Variants in EBF2 observed in about 807,000 individuals in gnomAD.
EBF2 encodes the protein EBF transcription factor 2.
Under a neutral mutation model 72.8 loss-of-function variants are expected in EBF2, and 21 were observed. The ratio of observed to expected loss-of-function variants is 0.29; its 90% CI spans 0.20 to 0.42. The LOEUF is 0.42. EBF2 is among the 10% of genes least tolerant of loss of function. The pLI is 1.00. For synonymous variants in EBF2, 299 were observed against 274.2 expected (o/e 1.09, Z -0.89); for missense variants, 637 against 731.2 (o/e 0.87, Z 1.49).
chr8:25,996,598 A>G (rs1331414929), intron 6 of EBF2, among the ~76,000 whole-genome samples: 1 of 152,120 alleles, frequency 6.6e-6, no homozygotes, highest in East Asian at 1.9e-4. Context: ...TTAAAAAAAT[A>G]AGAAAAGAAA....
At chr8:26,007,326 G>A (rs1253527533) in intron 6 of EBF2, among the ~76,000 whole-genome samples, 1 of 152,110 alleles carries the variant, frequency 6.6e-6, no homozygotes, top group East Asian at 1.9e-4. Flanking sequence ...ACCCCCTGTG[G>A]CCTCTGACAT....
chr8:25,911,395 T>A (rs1297278042), intron 6 of EBF2, among the ~76,000 whole-genome samples: 1 of 152,198 alleles, frequency 6.6e-6, no homozygotes, highest in African/African-American at 2.4e-5. Context: ...AATCACAGGT[T>A]TATCCTCATG....
intron 6 of EBF2, among the ~76,000 whole-genome samples, chr8:25,978,794 G>A (rs1378427513): frequency 6.6e-6 from 1 of 152,318 alleles, no homozygotes. Context: ...GCAACACAAA[G>A]GGGCCCTTCG....
chr8:25,883,545 C>A (rs1802637685), intron 10 of EBF2, among the ~76,000 whole-genome samples: 1 of 151,910 alleles, frequency 6.6e-6, no homozygotes, highest in Non-Finnish European at 1.5e-5. Context: ...ACACTTCTAC[C>A]TTCAGAAATC....
Position 25,907,512 on chromosome 8 carries a change from G to T in EBF2, c.633+962C>A, listed in dbSNP as rs558932408. On this transcript the variant is annotated intron_variant, in intron 7 of 15. Coordinates refer to ENST00000520164, the MANE Select transcript of EBF2 (RefSeq NM_022659.4). ...ATAAACCTAGCAGCTGCAACGTGTC[G>T]CATGCCCACAGTGTGCTGGAAAGAG... is the stretch of plus-strand genomic sequence containing the variant. Among the ~76,000 whole-genome samples, 68 of 148,588 alleles carry T rather than the reference G, an allele frequency of 4.6e-4. No individual in the cohort carries two copies. The Middle Eastern group carries it at 0.011, about 24-fold the overall frequency.
intron 6 of EBF2, among the ~76,000 whole-genome samples, chr8:26,018,603 G>A (rs1432549306): frequency 2.0e-5 from 3 of 151,662 alleles, no homozygotes; most frequent in African/African-American, 4.8e-5. Flanking sequence ...CCCGGGAGGC[G>A]GAGGTTGCAG....
intron 6 of EBF2, among the ~76,000 whole-genome samples, chr8:26,029,131 A>G (rs916440708): frequency 6.6e-6 from 1 of 152,236 alleles, no homozygotes; most frequent in Non-Finnish European, 1.5e-5. Flanking sequence ...AGGATCCCCT[A>G]TTGTAAACTC....
At chr8:26,040,586 C>T (rs1044384938) in intron 4 of EBF2, 30 bp downstream of exon 4, 1 of 1,549,066 alleles carries the variant, frequency 6.5e-7, no homozygotes, top group East Asian at 2.4e-5. Context: ...CAGAGACAGG[C>T]GAAGAGAAGC....
At chr8:25,885,841 A>G (rs1202782397) in intron 10 of EBF2, among the ~76,000 whole-genome samples, 3 of 152,138 alleles carry the variant, frequency 2.0e-5, no homozygotes, top group Admixed American at 1.3e-4. Flanking sequence ...AGTCTCGGGT[A>G]TGTCTTTATC....
At chr8:25,973,582 AAAAC>A (rs1343728485) in intron 6 of EBF2, among the ~76,000 whole-genome samples, 1 of 152,254 alleles carries the variant, frequency 6.6e-6, no homozygotes, top group Non-Finnish European at 1.5e-5. Context: ...AACTTAAAAG[AAAAC>A]AAACAACTCT....
intron 13 of EBF2, 118 bp from the exon 14 acceptor site, chr8:25,858,622 G>T: frequency 3.6e-5 from 17 of 469,932 alleles, no homozygotes; most frequent in East Asian, 5.7e-5. Flanking sequence ...GCCCCGGGCA[G>T]TTGTAGGAAG....
intron 14 of EBF2, among the ~76,000 whole-genome samples, chr8:25,851,036 G>C (rs1271579765): frequency 6.6e-6 from 1 of 152,070 alleles, no homozygotes; most frequent in Non-Finnish European, 1.5e-5. Context: ...GGAGAGTCAG[G>C]AAGGCAGCTT....
chr8:25,938,765 G>A (rs1246642168), intron 6 of EBF2, among the ~76,000 whole-genome samples: 2 of 152,122 alleles, frequency 1.3e-5, no homozygotes, highest in Admixed American at 6.5e-5. Context: ...CTGCTGAATG[G>A]TGGGTCACAA....
intron 6 of EBF2, among the ~76,000 whole-genome samples, chr8:25,932,579 G>T (rs1803502877): frequency 6.6e-6 from 1 of 152,134 alleles, no homozygotes; most frequent in African/African-American, 2.4e-5. Context: ...AACTGTGCCA[G>T]CACATGCAAA....
chr8:26,041,024 G>GCCT, intron 2 of EBF2, 22 bp from the exon 3 acceptor site: 1 of 1,613,504 alleles, frequency 6.2e-7, no homozygotes, highest in Non-Finnish European at 8.5e-7. Context: ...GGCAGCGTTC[G>GCCT]ATTCCCTTGC....
chr8:25,968,854 C>T (rs1440958196), intron 6 of EBF2, among the ~76,000 whole-genome samples: 2 of 152,068 alleles, frequency 1.3e-5, no homozygotes, highest in Admixed American at 6.6e-5. Context: ...CACCGTGCCC[C>T]GCAGAGTGTC....
In EBF2 at chr8:25,944,749, T is replaced by C. The variant is rs1316045274; in HGVS notation, c.552-36194A>G. Among the ~76,000 whole-genome samples, 3 of 148,158 alleles carry C rather than the reference T, an allele frequency of 2.0e-5. No individual in the cohort carries two copies. The Admixed American group carries it at 2.0e-4, about 10-fold the overall frequency. On this transcript the variant is annotated intron_variant, in intron 6 of 15. Transcript: ENST00000520164. ...TTATATGTACACAATAACAATTATA[T>C]TGTATATATAATTATATATTATATT...
At chr8:25,846,765 G>A (rs1290615225) in intron 15 of EBF2, among the ~76,000 whole-genome samples, 1 of 152,160 alleles carries the variant, frequency 6.6e-6, no homozygotes, top group Non-Finnish European at 1.5e-5. Context: ...AACAGCAGAG[G>A]TGCTCAAAGA....
intron 10 of EBF2, among the ~76,000 whole-genome samples, chr8:25,872,424 G>A (rs572397138): frequency 1.3e-5 from 2 of 152,226 alleles, no homozygotes; most frequent in East Asian, 3.9e-4. Flanking sequence ...TGGATCCTAG[G>A]ATTACCATGG....
Sources: allele counts gnomAD v4.1 joint callset (sites outside exome capture counted in the v4.1 genomes callset), GRCh38; gene constraint gnomAD v4.1.1; transcripts MANE v1.5; gene names NCBI Gene and HGNC (gene_info 2026-07-23, HGNC 2026-07-21).